The following DNAJC8 variants were observed in gnomAD, a reference collection of about 807,000 sequenced individuals.
DNAJC8 encodes the protein DnaJ heat shock protein family (Hsp40) member C8.
A neutral mutation model predicts 43.2 loss-of-function variants in DNAJC8; 24 were observed. The ratio of observed to expected loss-of-function variants is 0.56; its 90% CI spans 0.40 to 0.78. The LOEUF is 0.78. Among genes scored for constraint, DNAJC8 ranks in the 30% least tolerant of loss-of-function variants. The pLI, the probability that DNAJC8 is intolerant of heterozygous loss-of-function variation, is 0.00. For missense variants in DNAJC8, 207 were observed against 299.4 expected (o/e 0.69, Z 2.28); for synonymous variants, 83 against 98.0 (o/e 0.85, Z 0.90).
At chr1:28,208,462 A>C (rs1203609453) in intron 5 of DNAJC8, 49 bp from the exon 6 acceptor site, 18 of 1,398,466 alleles carry the variant, frequency 1.3e-5, no homozygotes, top group Non-Finnish European at 1.5e-5. Flanking sequence ...TGCTTTGAGA[A>C]TATCCACTGG....
At chr1:28,232,555 C>A (rs1395615974) in intron 1 of DNAJC8, among the ~76,000 whole-genome samples, 1 of 152,182 alleles carries the variant, frequency 6.6e-6, no homozygotes, top group Non-Finnish European at 1.5e-5. Flanking sequence ...TAAAACAACT[C>A]ATTACAAAGG....
chr1:28,223,396 A>G (rs906152013), intron 2 of DNAJC8, among the ~76,000 whole-genome samples: 2 of 152,116 alleles, frequency 1.3e-5, no homozygotes, highest in African/African-American at 4.8e-5. Flanking sequence ...AGAGAGCCAC[A>G]TGGAAGGGTG....
chr1:28,223,822 G>T (rs896819740), intron 2 of DNAJC8, among the ~76,000 whole-genome samples: 2 of 152,122 alleles, frequency 1.3e-5, no homozygotes, highest in African/African-American at 4.8e-5. Context: ...TGGATGTTGG[G>T]TGTAAACATA....
At chr1:28,215,726 A>G (rs1646848451) in intron 2 of DNAJC8, among the ~76,000 whole-genome samples, 1 of 151,980 alleles carries the variant, frequency 6.6e-6, no homozygotes, top group South Asian at 2.1e-4. Context: ...TAGTAGACAC[A>G]GGGTTTCTCC....
At chr1:28,214,252 G>A (rs1291807947) in intron 3 of DNAJC8, among the ~76,000 whole-genome samples, 2 of 151,984 alleles carry the variant, frequency 1.3e-5, no homozygotes, top group Non-Finnish European at 2.9e-5. Flanking sequence ...ATAAAATTAC[G>A]GCCGGGTGCA....
At chr1:28,215,744 T>C (rs1646848676) in intron 2 of DNAJC8, among the ~76,000 whole-genome samples, 1 of 151,954 alleles carries the variant, frequency 6.6e-6, no homozygotes, top group African/African-American at 2.4e-5. Flanking sequence ...TCCATGTTGG[T>C]CAGGCTGGTC....
intron 4 of DNAJC8, 134 bp downstream of exon 4, chr1:28,210,437 G>T: frequency 1.4e-6 from 1 of 738,110 alleles, no homozygotes; most frequent in Non-Finnish European, 2.2e-6. Context: ...AATGGCAACT[G>T]CTCTACTGAA....
At chr1:28,217,530 A>G (rs547718271) in intron 2 of DNAJC8, among the ~76,000 whole-genome samples, 13 of 152,250 alleles carry the variant, frequency 8.5e-5, no homozygotes, top group Admixed American at 2.0e-4. Context: ...CCCCACTCTC[A>G]TAACTTCCCA....
intron 3 of DNAJC8, among the ~76,000 whole-genome samples, chr1:28,212,164 AATAAATATATAT>A (rs1251564999): frequency 0.017 from 521 of 30,544 alleles, 10 homozygotes; most frequent in Non-Finnish European, 0.024. Context: ...TCAATAAATA[AATAAATATATAT>A]ATATATATAT....
At chr1:28,225,626 A>G (rs1232992919) in intron 2 of DNAJC8, among the ~76,000 whole-genome samples, 2 of 150,958 alleles carry the variant, frequency 1.3e-5, no homozygotes, top group African/African-American at 4.9e-5. Context: ...CTGAATATGA[A>G]CAGTGGTGAT....
chr1:28,206,574 C>A (rs1488435500), intron 6 of DNAJC8, among the ~76,000 whole-genome samples: 1 of 152,132 alleles, frequency 6.6e-6, no homozygotes, highest in Non-Finnish European at 1.5e-5. Flanking sequence ...CGTAAGTGAC[C>A]CAGCCCCTGT....
rs570533428 is a variant in DNAJC8, at chr1:28,231,368, C to T, written c.78+1553G>A. ...ATAAATAAATTAAATTAAATTAACT[C>T]TCTTGTTTTTACAGATGTGGAATAT... On this transcript the variant is annotated intron_variant, in intron 1 of 8. Transcript: ENST00000263697. Among the ~76,000 whole-genome samples the T allele has an allele frequency of 2.0e-5, 3 of 152,226 alleles. No homozygotes were observed. The South Asian group carries it at 6.2e-4, about 32-fold the overall frequency.
chr1:28,223,713 C>CAA (rs750905346), intron 2 of DNAJC8, among the ~76,000 whole-genome samples: 3,463 of 106,492 alleles, frequency 0.033, 155 homozygotes, highest in African/African-American at 0.099. Context: ...CTTGTCTTTA[C>CAA]AAAAAAAAAA....
chr1:28,210,058 T>C lies in DNAJC8; in HGVS notation c.313A>G (p.Lys105Glu). Residue 105 changes from lysine to glutamate, a missense_variant, in exon 5 of 9, where the codon AAA (lysine) becomes GAA (glutamate). By Grantham distance (56) the Lys-to-Glu change is moderately conservative. Transcript: ENST00000263697. ...TGATCCAGTAGCAACTTGTAAGCTT[T>C]GTCCACAGCTAATGCAAAACATTGA... The part of the protein sequence containing the change: ...RAQKAFEAVD[K>E]AYKLLLDQEQ... The C allele has an allele frequency of 6.2e-7, 1 of 1,614,072 alleles. No homozygotes were observed.
At chr1:28,229,207 A>G (rs1646957576) in intron 1 of DNAJC8, among the ~76,000 whole-genome samples, 184 bp from the exon 2 acceptor site, 1 of 152,206 alleles carries the variant, frequency 6.6e-6, no homozygotes, top group Admixed American at 6.5e-5. Flanking sequence ...TAAAAACCTT[A>G]CATGTATTTA....
At chr1:28,204,093 G>T (rs1217510378) in intron 7 of DNAJC8, among the ~76,000 whole-genome samples, 1 of 152,220 alleles carries the variant, frequency 6.6e-6, no homozygotes, top group African/African-American at 2.4e-5. Context: ...GCAATCTGAG[G>T]TTTTGGGCTC....
At chr1:28,206,392 G>A (rs571441960) in intron 6 of DNAJC8, among the ~76,000 whole-genome samples, 1 of 151,678 alleles carries the variant, frequency 6.6e-6, no homozygotes, top group Non-Finnish European at 1.5e-5. Context: ...TTGGATTATA[G>A]GTATGAGCCA....
intron 1 of DNAJC8, among the ~76,000 whole-genome samples, chr1:28,232,539 A>C (rs887315086): frequency 6.6e-6 from 1 of 152,132 alleles, no homozygotes. Context: ...TGGCAGAAAC[A>C]ACCACTAAAA....
intron 1 of DNAJC8, 68 bp from the exon 2 acceptor site, chr1:28,229,091 T>C (rs781764777): frequency 4.0e-5 from 52 of 1,291,128 alleles, no homozygotes; most frequent in African/African-American, 5.9e-5. Flanking sequence ...CTTAACAAAA[T>C]GTTCACTGAT....
Sources: allele counts gnomAD v4.1 joint callset (sites outside exome capture counted in the v4.1 genomes callset), GRCh38; gene constraint gnomAD v4.1.1; transcripts MANE v1.5; gene names NCBI Gene and HGNC (gene_info 2026-07-23, HGNC 2026-07-21).